The following CAMK2B variants were observed in gnomAD, a reference collection of about 807,000 sequenced individuals.
CAMK2B encodes calcium/calmodulin dependent protein kinase II beta, also known as calcium/calmodulin-dependent protein kinase type II subunit beta.
A neutral mutation model predicts 93.7 loss-of-function variants in CAMK2B; 27 were observed. That is an observed-to-expected ratio of 0.29 (90% CI 0.21 to 0.40). CAMK2B has a LOEUF of 0.40. CAMK2B is among the 10% of genes least tolerant of loss of function. CAMK2B has a pLI of 1.00. For synonymous variants in CAMK2B, 374 were observed against 358.8 expected (o/e 1.04, Z -0.48); for missense variants, 568 against 895.8 (o/e 0.63, Z 4.67).
intron 1 of CAMK2B, among the ~76,000 whole-genome samples, chr7:44,288,272 C>T (rs1313285139): frequency 3.3e-5 from 5 of 152,388 alleles, no homozygotes; most frequent in East Asian, 3.9e-4. Flanking sequence ...TCTGGAAGCA[C>T]GGGCGGGCCT....
intron 5 of CAMK2B, 155 bp from the exon 6 acceptor site, chr7:44,247,347 G>A: frequency 1.5e-6 from 1 of 673,706 alleles, no homozygotes; most frequent in East Asian, 2.7e-5. Context: ...GGGGCCTCTG[G>A]GGCTTCTTCC....
Position 44,293,400 on chromosome 7 carries a change from G to A in CAMK2B, c.66-9175C>T, listed in dbSNP as rs918656359. Reference sequence around the variant, plus strand: ...CAGGTGAATGGTGATGCATGGGAGCGCTTCCACATTTTCACATGGGTTAAC... The same window carrying A: ...CAGGTGAATGGTGATGCATGGGAGCACTTCCACATTTTCACATGGGTTAAC... On this transcript the variant is annotated intron_variant, in intron 1 of 23. Coordinates refer to ENST00000395749, the MANE Select transcript of CAMK2B (RefSeq NM_001220.5). Among the ~76,000 whole-genome samples, 10 of 152,272 alleles carry A rather than the reference G, an allele frequency of 6.6e-5. No individual in the cohort carries two copies. In the East Asian group the frequency reaches 1.2e-3, roughly 18 times the overall value.
chr7:44,282,424 T>C (rs1454846617), intron 2 of CAMK2B, among the ~76,000 whole-genome samples: 1 of 152,202 alleles, frequency 6.6e-6, no homozygotes, highest in Non-Finnish European at 1.5e-5. Context: ...TGGGAGCGCA[T>C]GCCTCTGGAG....
In CAMK2B at chr7:44,248,872, G is replaced by A. The variant is rs1179370049; in HGVS notation, c.342-1680C>T. 6.6e-6 allele frequency among the ~76,000 whole-genome samples: 1 copy of A among 152,134 alleles called. No individual in the cohort carries two copies. The highest frequency in any genetic ancestry group is 1.5e-5 in the Non-Finnish European group (1 of 68,024). On this transcript the variant is annotated intron_variant, in intron 5 of 23. Transcript: ENST00000395749. The surrounding 1 kb of genome is among the most constrained non-coding windows in gnomAD (Gnocchi z 4.1). ...AGAAGCCAGGCCCAAACTCATGGGAGACAGCCCCTTGGTGGTGTCACTTCA... is the reference window on the plus strand; with the variant it reads ...AGAAGCCAGGCCCAAACTCATGGGAAACAGCCCCTTGGTGGTGTCACTTCA...
In CAMK2B at chr7:44,234,438, G is replaced by C; in HGVS notation, c.1083C>G (p.Asn361Lys). The stretch of plus-strand genomic sequence containing the variant: ...CTTTGGGGCTGGTGGCGGCTGCACT[G>C]TTTTTGGTGCTATTCGTCTGGGGCT... ...GVKPQTNSTK[N>K]SAAATSPKGT... Residue 361 changes from asparagine to lysine, a missense_variant, in exon 15 of 24, where the codon AAC becomes AAG. Physicochemically the swap from Asn to Lys is moderately conservative, Grantham distance 94 (BLOSUM62 0). Transcript: ENST00000395749. The C allele has an allele frequency of 6.4e-7, 1 of 1,556,848 alleles. No homozygotes were observed. Among genetic ancestry groups the C allele is most frequent in the Non-Finnish European group, 8.7e-7 (1 of 1,155,270 alleles).
chr7:44,296,858 A>C (rs1788454985), intron 1 of CAMK2B, among the ~76,000 whole-genome samples: 1 of 151,902 alleles, frequency 6.6e-6, no homozygotes, highest in Non-Finnish European at 1.5e-5. Context: ...AGATGTTCTC[A>C]AACAAAAATT....
At chr7:44,324,766 A>G (rs747277205) in intron 1 of CAMK2B, among the ~76,000 whole-genome samples, 40 of 152,236 alleles carry the variant, frequency 2.6e-4, no homozygotes, top group Non-Finnish European at 4.6e-4. Context: ...TCCTGTTTCC[A>G]GAAGAATCTG....
rs911233453 is a variant in CAMK2B, at chr7:44,312,713, C to T, written c.65+12644G>A. 7.9e-5 allele frequency among the ~76,000 whole-genome samples: 12 copies of T among 152,252 alleles called. No individual in the cohort carries two copies. Among genetic ancestry groups the T allele is most frequent in the Middle Eastern group, 6.8e-3 (2 of 294 alleles). ...GAGACAGAGAAAGAGTAACACCTCC[C>T]GCAAGACAGGCTGTCCTGGGTTGGA... On this transcript the variant is annotated intron_variant, in intron 1 of 23. Transcript: ENST00000395749. This position sits in a 1 kb window ranked among gnomAD's most constrained non-coding sequence, Gnocchi z 4.1.
chr7:44,299,916 T>C (rs907659420), intron 1 of CAMK2B, among the ~76,000 whole-genome samples: 4 of 152,172 alleles, frequency 2.6e-5, no homozygotes, highest in African/African-American at 9.7e-5. Flanking sequence ...TGTTTTACCA[T>C]AATTTAAAAA....
chr7:44,308,614 G>C (rs752551203), intron 1 of CAMK2B, among the ~76,000 whole-genome samples: 2 of 152,296 alleles, frequency 1.3e-5, no homozygotes, highest in Admixed American at 6.5e-5. Flanking sequence ...GCAGGACAAG[G>C]TTCCACCAAC....
intron 13 of CAMK2B, among the ~76,000 whole-genome samples, chr7:44,235,652 G>T (rs979027443): frequency 3.9e-5 from 6 of 152,208 alleles, no homozygotes; most frequent in Non-Finnish European, 1.5e-5. Context: ...GGACTCACAG[G>T]TCACCAGTCC....
At chr7:44,234,781 C>G in intron 13 of CAMK2B, 105 bp from the exon 14 acceptor site, 6 of 1,264,442 alleles carry the variant, frequency 4.7e-6, no homozygotes, top group Non-Finnish European at 6.8e-6. Context: ...AGGAGCAAGC[C>G]CAGGGTCCTG....
At chr7:44,252,044 G>A (rs1354609668) in intron 5 of CAMK2B, among the ~76,000 whole-genome samples, 1 of 152,314 alleles carries the variant, frequency 6.6e-6, no homozygotes, top group East Asian at 1.9e-4. Context: ...GGGAGGGGCT[G>A]TGGGTGTGTG....
At chr7:44,238,600 C>T (rs2096647175) in intron 13 of CAMK2B, among the ~76,000 whole-genome samples, 1 of 152,220 alleles carries the variant, frequency 6.6e-6, no homozygotes, top group Admixed American at 6.5e-5. Flanking sequence ...GGAGGGTTCT[C>T]TGGCTGGGAA....
intron 1 of CAMK2B, among the ~76,000 whole-genome samples, chr7:44,285,200 C>T (rs1784722361): frequency 6.6e-6 from 1 of 152,226 alleles, no homozygotes; most frequent in African/African-American, 2.4e-5. Flanking sequence ...TCTGACTAGT[C>T]ACCACGGTTG....
At chr7:44,274,592 A>T (rs1021576641) in intron 2 of CAMK2B, among the ~76,000 whole-genome samples, 3 of 151,972 alleles carry the variant, frequency 2.0e-5, no homozygotes, top group African/African-American at 7.3e-5. Context: ...CCACTCCCCA[A>T]CCAGCTCAGT....
At chr7:44,324,814 C>T (rs1055926628) in intron 1 of CAMK2B, among the ~76,000 whole-genome samples, 3 of 152,036 alleles carry the variant, frequency 2.0e-5, no homozygotes, top group African/African-American at 7.2e-5. Context: ...CCCAGGGGAC[C>T]TACAGCAGAG....
At chr7:44,237,181 CA>C (rs1372990989) in intron 13 of CAMK2B, among the ~76,000 whole-genome samples, 4 of 152,230 alleles carry the variant, frequency 2.6e-5, no homozygotes, top group African/African-American at 9.6e-5. Flanking sequence ...AGAAGATTCT[CA>C]CAGGAAAGGA....
chr7:44,283,858 G>A (rs1784372920), intron 2 of CAMK2B, among the ~76,000 whole-genome samples: 1 of 152,338 alleles, frequency 6.6e-6, no homozygotes, highest in African/African-American at 2.4e-5. Context: ...GAGCACAAAG[G>A]TGCATCCAAG....
Sources: allele counts gnomAD v4.1 joint callset (sites outside exome capture counted in the v4.1 genomes callset), GRCh38; gene constraint gnomAD v4.1.1; non-coding constraint Gnocchi (gnomAD v3.1); transcripts MANE v1.5; gene names NCBI Gene and HGNC (gene_info 2026-07-23, HGNC 2026-07-21).